BRI3BP: variants seen among roughly 807,000 people sequenced by gnomAD.
The protein encoded by BRI3BP is BRI3 binding protein, also known as BRI3-binding protein.
A neutral mutation model predicts 15.8 loss-of-function variants in BRI3BP; 7 were observed. The ratio of observed to expected loss-of-function variants is 0.44; its 90% CI spans 0.25 to 0.83. The LOEUF (loss-of-function observed/expected upper bound fraction) is 0.83. Among genes scored for constraint, BRI3BP ranks in the 40% least tolerant of loss-of-function variants. The pLI is 0.20. For missense variants in BRI3BP, 320 were observed against 339.3 expected (o/e 0.94, Z 0.45); for synonymous variants, 192 against 163.5 (o/e 1.17, Z -1.33).
At position 124,993,835 on chromosome 12, in the gene BRI3BP, CCTGCTGCTGCTGCTGCTG is replaced by C. The variant is rs61379857; in HGVS notation, c.57_74del (p.Leu20_Leu25del). 5.2e-6 allele frequency: 6 copies of C among 1,148,738 alleles called. No individual in the cohort carries two copies. The highest frequency in any genetic ancestry group is 1.7e-5 in the African/African-American group (1 of 59,620). 71.2% of individuals were successfully genotyped at this position (1,148,738 alleles called of 1,614,324 possible). ...GCGGGCCCCTGGCCCGGGCCGGGCTCCTGCTGCTGCTGCTGCTGCTGCTGCTGCTCGGGCTGCTGGCCC... is the reference window on the plus strand; with the variant it reads ...GCGGGCCCCTGGCCCGGGCCGGGCTCCTGCTGCTGCTCGGGCTGCTGGCCC... On this transcript the variant is annotated inframe_deletion, in exon 1 of 3. Transcript: ENST00000341446.
intron 1 of BRI3BP, among the ~76,000 whole-genome samples, chr12:125,000,016 C>CTTTTTTTTTTTT (rs66571863): frequency 2.5e-5 from 1 of 40,692 alleles, no homozygotes; most frequent in African/African-American, 1.0e-4. Flanking sequence ...TTTGGTTTTT[C>CTTTTTTTTTTTT]TTTTTTTTTT....
intron 2 of BRI3BP, among the ~76,000 whole-genome samples, chr12:125,012,853 G>A (rs1955208445): frequency 6.6e-6 from 1 of 152,102 alleles, no homozygotes; most frequent in South Asian, 2.1e-4. Context: ...CAAGGTGGGA[G>A]GGTTGCTTGA....
chr12:125,006,980 T>C (rs2135990783), intron 1 of BRI3BP, among the ~76,000 whole-genome samples: 1 of 152,188 alleles, frequency 6.6e-6, no homozygotes, highest in Admixed American at 6.6e-5. Context: ...GGGTGGATCA[T>C]CTGAGGTCAG....
chr12:125,028,011 A>C lies in BRI3BP; in HGVS notation c.*2581A>C, dbSNP rs1955372161. 1 of 152,232 alleles carries C rather than the reference A, an allele frequency of 6.6e-6. No individual in the cohort carries two copies. Among genetic ancestry groups the C allele is most frequent in the Non-Finnish European group, 1.5e-5 (1 of 68,048 alleles). 9.4% of individuals were successfully genotyped at this position (152,232 alleles called of 1,614,324 possible). A position where few individuals can be genotyped will look rare whatever the true frequency, so the allele number is the denominator to read the frequency against. Reference sequence around the variant, plus strand: ...CTAGATCAAATCTTTATCCATGCACATTGGAACACAGGATTACTGGGTTGA... The same window carrying C: ...CTAGATCAAATCTTTATCCATGCACCTTGGAACACAGGATTACTGGGTTGA... On this transcript the variant is annotated 3_prime_UTR_variant, in exon 3 of 3. Coordinates refer to ENST00000341446, the MANE Select transcript of BRI3BP (RefSeq NM_080626.6).
chr12:125,043,328 C>T, the BRI3BP span, among the ~76,000 whole-genome samples: 1 of 152,066 alleles, frequency 6.6e-6, no homozygotes, highest in South Asian at 2.1e-4. Flanking sequence ...CAACGTCTAC[C>T]CCAGAATCTT....
At chr12:125,000,860 A>G (rs1036770137) in intron 1 of BRI3BP, among the ~76,000 whole-genome samples, 1 of 152,090 alleles carries the variant, frequency 6.6e-6, no homozygotes, top group African/African-American at 2.4e-5. Context: ...GAACCACAAT[A>G]CCATTGTCTC....
chr12:125,022,599 C>T (rs926691932), intron 2 of BRI3BP, among the ~76,000 whole-genome samples: 13 of 150,058 alleles, frequency 8.7e-5, no homozygotes, highest in African/African-American at 2.7e-4. Flanking sequence ...GCCATTGGCT[C>T]ACTGCAACCT....
chr12:125,042,158 C>G, the BRI3BP span, among the ~76,000 whole-genome samples: 5 of 152,044 alleles, frequency 3.3e-5, no homozygotes, highest in Non-Finnish European at 7.4e-5. Context: ...TTTTTTAAAA[C>G]TTTTATTTTA....
Position 125,003,954 on chromosome 12 carries a change from AAAAC to A in BRI3BP, c.214-8578_214-8575del, listed in dbSNP as rs1170801413. Among the ~76,000 whole-genome samples the A allele has an allele frequency of 9.1e-3, 865 of 95,078 alleles. 5 individuals are homozygous for A. The highest frequency in any genetic ancestry group is 0.047 in the East Asian group (173 of 3,656). The allele number at this position is 95,078 out of a possible 152,430, so 62.4% of individuals were successfully genotyped here. ...GGCGACAGAGCGAGACTCCATCTCA[AAAAC>A]ACACACACACACACACACACACACA... is the stretch of plus-strand genomic sequence containing the variant. On this transcript the variant is annotated intron_variant, in intron 1 of 2. Coordinates refer to ENST00000341446, the MANE Select transcript of BRI3BP (RefSeq NM_080626.6).
chr12:125,038,068 G>C, the BRI3BP span, among the ~76,000 whole-genome samples: 1 of 151,832 alleles, frequency 6.6e-6, no homozygotes, highest in East Asian at 1.9e-4. Flanking sequence ...CAAGGTGAGT[G>C]GATCACTTGA....
chr12:125,025,041 GCCCGC>G lies in BRI3BP; in HGVS notation c.368_372del (p.Ala123GlyfsTer171). 1 of 1,613,350 alleles carries G rather than the reference GCCCGC, an allele frequency of 6.2e-7. No individual in the cohort carries two copies. Among genetic ancestry groups the G allele is most frequent in the Non-Finnish European group, 8.5e-7 (1 of 1,180,014 alleles). ...CCCAGCCTCGGTGTCCAGCAGCCCG[GCCCGC>G]GCGCTCCTGCTGGTCGGCGTCGTCC... On this transcript the variant is annotated frameshift_variant, in exon 3 of 3. Transcript: ENST00000341446. LOFTEE classifies it high-confidence loss of function.
chr12:125,015,904 C>A (rs1955238524), intron 2 of BRI3BP, among the ~76,000 whole-genome samples: 1 of 152,178 alleles, frequency 6.6e-6, no homozygotes, highest in African/African-American at 2.4e-5. Context: ...CCACCGCGTG[C>A]AATCCTCTTA....
chr12:124,999,366 G>C (rs1955065457), intron 1 of BRI3BP, among the ~76,000 whole-genome samples: 1 of 152,144 alleles, frequency 6.6e-6, no homozygotes, highest in Non-Finnish European at 1.5e-5. Context: ...TGGATCTATA[G>C]ATCTGCTCCC....
At chr12:125,003,288 C>G (rs369265697) in intron 1 of BRI3BP, among the ~76,000 whole-genome samples, 1 of 152,120 alleles carries the variant, frequency 6.6e-6, no homozygotes, top group African/African-American at 2.4e-5. Context: ...GGATGTCCCC[C>G]GCCTGACTGC....
rs79871835 is a variant in BRI3BP at position 125,012,411 on chromosome 12, G to A, written c.214-123G>A. The A allele has an allele frequency of 8.6e-3, 6,486 of 750,864 alleles. 264 individuals carry two copies. In the African/African-American group the frequency reaches 0.095, roughly 11 times the overall value. 46.5% of individuals were successfully genotyped at this position (750,864 alleles called of 1,614,324 possible). On this transcript the variant is annotated intron_variant, in intron 1 of 2. Transcript: ENST00000341446. Reference sequence around the variant, plus strand: ...CCCTGGGCCAGTAGTCCACATGTGTGGTATTCATCATGGGCTCACTATTTT... The same window carrying A: ...CCCTGGGCCAGTAGTCCACATGTGTAGTATTCATCATGGGCTCACTATTTT...
Position 125,012,561 on chromosome 12 carries a change from G to A in BRI3BP, c.241G>A (p.Val81Met). The A allele has an allele frequency of 6.2e-7, 1 of 1,612,738 alleles. No individual in the cohort carries two copies. The highest frequency in any genetic ancestry group is 8.5e-7 in the Non-Finnish European group (1 of 1,178,788). Residue 81 changes from valine to methionine, a missense_variant, in exon 2 of 3, where the codon GTG (valine) becomes ATG (methionine). Val to Met is a conservative substitution (Grantham distance 21, BLOSUM62 1). Coordinates refer to ENST00000341446, the MANE Select transcript of BRI3BP (RefSeq NM_080626.6). ...CTTGGCCAGGCTGACTGAGAGATTT[G>A]TGCTGGGAGTGGATATGTTCGTGGA... ...KFLARLTERFVLGVDMFVETL... is the reference protein window; with the variant it reads ...KFLARLTERFMLGVDMFVETL...
intron 2 of BRI3BP, among the ~76,000 whole-genome samples, chr12:125,013,620 C>T (rs1945440191): frequency 2.0e-5 from 3 of 152,206 alleles, no homozygotes; most frequent in Admixed American, 2.0e-4. Flanking sequence ...CTTAGCTCTC[C>T]AGCTTCTGCC....
At chr12:125,048,659 CCT>C in the BRI3BP span, among the ~76,000 whole-genome samples, 1 of 151,450 alleles carries the variant, frequency 6.6e-6, no homozygotes, top group Non-Finnish European at 1.5e-5. Context: ...ATGTAACTAA[CCT>C]GCACATTGTG....
At chr12:124,995,525 G>T (rs181688802) in intron 1 of BRI3BP, among the ~76,000 whole-genome samples, 18 of 152,294 alleles carry the variant, frequency 1.2e-4, no homozygotes, top group African/African-American at 3.8e-4. Flanking sequence ...GGTTATTTAA[G>T]ACTTTTACTT....
Sources: allele counts gnomAD v4.1 joint callset (sites outside exome capture counted in the v4.1 genomes callset), GRCh38; gene constraint gnomAD v4.1.1; transcripts MANE v1.5; gene names NCBI Gene and HGNC (gene_info 2026-07-23, HGNC 2026-07-21).